The following DLGAP2 variants were observed in gnomAD, a reference collection of about 807,000 sequenced individuals.
DLGAP2 encodes the protein DLG associated protein 2.
DLGAP2 carries 26 observed loss-of-function variants against 100.3 expected under a neutral mutation model. That is an observed-to-expected ratio of 0.26 (90% CI 0.19 to 0.36). The LOEUF is 0.36. Among genes scored for constraint, DLGAP2 ranks in the 10% least tolerant of loss-of-function variants. DLGAP2 has a pLI of 1.00. For missense variants in DLGAP2, 1,858 were observed against 1,453.2 expected (o/e 1.28, Z -4.53); for synonymous variants, 886 against 630.1 (o/e 1.41, Z -6.08).
rs184685783 is a variant in DLGAP2 at position 1,379,142 on chromosome 8, C to G, written c.106+120259C>G. On this transcript the variant is annotated intron_variant, in intron 3 of 14. Transcript: ENST00000637795. ...GTGAGGAGACAAGGCCAGTTCTTCC[C>G]TGAGCCCTGCCTAGACTGTGGCACG... 4.3e-3 allele frequency among the ~76,000 whole-genome samples: 653 copies of G among 152,396 alleles called. 3 individuals are homozygous for G. The highest frequency in any genetic ancestry group is 0.015 in the African/African-American group (627 of 41,598).
At chr8:1,153,197 G>A (rs1451139536) in intron 2 of DLGAP2, among the ~76,000 whole-genome samples, 1 of 152,152 alleles carries the variant, frequency 6.6e-6, no homozygotes. Context: ...GTGGCAGGCA[G>A]AGTGGTTGGT....
chr8:1,613,379 C>G (rs1463741492), intron 6 of DLGAP2, among the ~76,000 whole-genome samples: 14 of 147,866 alleles, frequency 9.5e-5, no homozygotes, highest in Non-Finnish European at 1.5e-4. Flanking sequence ...ACATCACACT[C>G]TGGGGACTGT....
At chr8:1,183,179 T>G (rs1797428322) in intron 2 of DLGAP2, among the ~76,000 whole-genome samples, 1 of 151,576 alleles carries the variant, frequency 6.6e-6, no homozygotes, top group Non-Finnish European at 1.5e-5. Context: ...GCAGCCAGGA[T>G]CTAGGATGGA....
intron 4 of DLGAP2, among the ~76,000 whole-genome samples, chr8:1,514,227 A>G (rs890214050): frequency 1.3e-5 from 2 of 152,212 alleles, no homozygotes; most frequent in Non-Finnish European, 2.9e-5. Flanking sequence ...CTCCAGTACA[A>G]ATGTCCTCTT....
In DLGAP2 at chr8:1,708,066, T is replaced by A. The variant is rs1478798506; in HGVS notation, c.*6660T>A. 1.3e-5 allele frequency: 2 copies of A among 152,436 alleles called. No individual in the cohort carries two copies. Among genetic ancestry groups the A allele is most frequent in the Non-Finnish European group, 2.9e-5 (2 of 68,036 alleles). The allele number at this position is 152,436 out of a possible 1,614,324, so 9.4% of individuals were successfully genotyped here. A position where few individuals can be genotyped will look rare whatever the true frequency, so the allele number is the denominator to read the frequency against. On this transcript the variant is annotated 3_prime_UTR_variant, in exon 15 of 15. Coordinates refer to ENST00000637795, the MANE Select transcript of DLGAP2 (RefSeq NM_001346810.2). The stretch of plus-strand genomic sequence containing the variant: ...AGGCAGTTAAGGATTGCTTTATTTG[T>A]GTTCTTTTTTCCCATGACTTTTTTT...
intron 2 of DLGAP2, among the ~76,000 whole-genome samples, chr8:1,108,581 C>T (rs553170090): frequency 0.014 from 1,876 of 132,410 alleles, 33 homozygotes; most frequent in African/African-American, 0.052. Flanking sequence ...GAGGTGTGCA[C>T]GGGTCTGTGA....
chr8:1,329,334 T>G (rs911127111), intron 3 of DLGAP2, among the ~76,000 whole-genome samples: 3 of 152,212 alleles, frequency 2.0e-5, no homozygotes, highest in Non-Finnish European at 2.9e-5. Context: ...TCTGGCTGAT[T>G]GAGATTAAAT....
chr8:747,205 T>G (rs1186636119), intron 1 of DLGAP2, among the ~76,000 whole-genome samples: 2 of 152,058 alleles, frequency 1.3e-5, no homozygotes, highest in Admixed American at 1.3e-4. Flanking sequence ...CTTCTGAGTT[T>G]GTGTACTACC....
At chr8:1,164,040 T>C (rs1205594214) in intron 2 of DLGAP2, among the ~76,000 whole-genome samples, 1 of 152,186 alleles carries the variant, frequency 6.6e-6, no homozygotes, top group Non-Finnish European at 1.5e-5. Context: ...TCTCCTCTAG[T>C]GAGACTCGGT....
At chr8:904,974 C>A (rs1301137392) in intron 1 of DLGAP2, among the ~76,000 whole-genome samples, 1 of 152,200 alleles carries the variant, frequency 6.6e-6, no homozygotes, top group Admixed American at 6.5e-5. Context: ...CGGCAAGCGA[C>A]GTGTGCTCAG....
intron 1 of DLGAP2, among the ~76,000 whole-genome samples, chr8:827,998 G>C (rs2132696719): frequency 6.6e-6 from 1 of 152,306 alleles, no homozygotes; most frequent in South Asian, 2.1e-4. Flanking sequence ...GTCTTTATTA[G>C]GGATTTTCAA....
intron 2 of DLGAP2, among the ~76,000 whole-genome samples, chr8:963,603 T>C (rs1197762632): frequency 1.3e-5 from 2 of 152,194 alleles, no homozygotes; most frequent in African/African-American, 2.4e-5. Flanking sequence ...ATCATCTTAA[T>C]TGGAACTTTA....
At chr8:1,285,865 C>G (rs13249390) in intron 3 of DLGAP2, among the ~76,000 whole-genome samples, 122,486 of 152,144 alleles carry the variant, frequency 0.81, 49,632 homozygotes, top group African/African-American at 0.91. Context: ...CCAATCCTTG[C>G]AAGGATTACC....
At chr8:926,924 A>C in intron 2 of DLGAP2, 1 of 701,992 alleles carries the variant, frequency 1.4e-6, no homozygotes, top group Non-Finnish European at 1.8e-6. Flanking sequence ...GTGTTCCCTG[A>C]GCCGGATTAA....
intron 8 of DLGAP2, among the ~76,000 whole-genome samples, chr8:1,655,931 C>A (rs1206610824): frequency 6.6e-6 from 1 of 152,208 alleles, no homozygotes; most frequent in Non-Finnish European, 1.5e-5. Context: ...GGCAGGCCAG[C>A]GTGGTAGCTG....
At chr8:903,873 C>A (rs768214669) in intron 1 of DLGAP2, among the ~76,000 whole-genome samples, 4 of 152,218 alleles carry the variant, frequency 2.6e-5, no homozygotes, top group African/African-American at 9.6e-5. Context: ...CTGCCGCGTT[C>A]CACAGGAACA....
At chr8:1,481,818 T>G (rs1294882075) in intron 3 of DLGAP2, among the ~76,000 whole-genome samples, 2 of 152,180 alleles carry the variant, frequency 1.3e-5, no homozygotes, top group Non-Finnish European at 1.5e-5. Context: ...AGAAGGGGAA[T>G]TTAAAAAATC....
intron 2 of DLGAP2, among the ~76,000 whole-genome samples, chr8:1,071,318 A>T (rs1803423827): frequency 6.6e-6 from 1 of 152,198 alleles, no homozygotes; most frequent in South Asian, 2.1e-4. Context: ...AATGCCTGAA[A>T]TAACCACTTC....
At chr8:1,351,604 G>A (rs1213271003) in intron 3 of DLGAP2, among the ~76,000 whole-genome samples, 2 of 52,524 alleles carry the variant, frequency 3.8e-5, no homozygotes, top group African/African-American at 1.1e-4. Context: ...CGCGTCCTGC[G>A]TGTGGCGTGG....
Sources: gnomAD v4.1 joint callset for allele counts (sites outside exome capture counted in the v4.1 genomes callset) on GRCh38, gnomAD v4.1.1 for gene constraint, MANE v1.5 for transcripts, NCBI Gene and HGNC (gene_info 2026-07-23, HGNC 2026-07-21) for gene names.